Variants in AMACR observed in about 807,000 individuals in gnomAD.
AMACR encodes the protein alpha-methylacyl-CoA racemase.
AMACR carries 18 observed loss-of-function variants against 22.2 expected under a neutral mutation model. The ratio of observed to expected loss-of-function variants is 0.81; its 90% CI spans 0.56 to 1.20. The LOEUF (loss-of-function observed/expected upper bound fraction) is 1.20. Among genes scored for constraint, AMACR ranks in the 50% most tolerant of loss-of-function variants. AMACR has a pLI of 0.00. For missense variants in AMACR, 499 were observed against 490.6 expected (o/e 1.02, Z -0.16); for synonymous variants, 213 against 191.3 (o/e 1.11, Z -0.94).
At position 34,007,810 on chromosome 5, in the gene AMACR, GCA is replaced by G; in HGVS notation, c.208_209del (p.Cys70GlnfsTer71). On this transcript the variant is annotated frameshift_variant, in exon 1 of 5. Coordinates refer to ENST00000335606, the MANE Select transcript of AMACR (RefSeq NM_014324.6). LOFTEE classifies it high-confidence loss of function. ...GCTCCAGCAGCACATCCGACCGCTT[GCA>G]CAGACGCCGCAGCACGGCGGCTCCC... ...PRGAAVLRRL[C>X]KRSDVLLEPF... 6.3e-7 allele frequency: 1 copy of G among 1,575,616 alleles called. No homozygotes were observed. The highest frequency in any genetic ancestry group is 8.6e-7 in the Non-Finnish European group (1 of 1,165,222).
intron 4 of AMACR, among the ~76,000 whole-genome samples, chr5:33,991,405 C>T (rs776721224): frequency 6.6e-6 from 1 of 152,132 alleles, no homozygotes; most frequent in Non-Finnish European, 1.5e-5. Flanking sequence ...GTCTCAGAAT[C>T]CATAATTGTA....
intron 3 of AMACR, 30 bp from the exon 4 acceptor site, chr5:33,998,857 C>T (rs1753723589): frequency 1.2e-6 from 2 of 1,605,402 alleles, no homozygotes; most frequent in Non-Finnish European, 1.7e-6. Context: ...AAGACAAATC[C>T]AGATAACTCA....
At chr5:33,998,315 T>C (rs1322184362) in intron 4 of AMACR, among the ~76,000 whole-genome samples, 2 of 152,218 alleles carry the variant, frequency 1.3e-5, no homozygotes, top group Non-Finnish European at 2.9e-5. Context: ...GCAACCCATG[T>C]GAGATCATTT....
chr5:33,991,746 T>TATTATC (rs989638044), intron 4 of AMACR, among the ~76,000 whole-genome samples: 5 of 150,158 alleles, frequency 3.3e-5, no homozygotes, highest in African/African-American at 1.2e-4. Flanking sequence ...TTATTATTAT[T>TATTATC]ATTATTATTT....
rs535936349 is a variant in AMACR, at chr5:33,992,222, G to T, written c.740-2720C>A. Among the ~76,000 whole-genome samples the T allele has an allele frequency of 2.7e-4, 41 of 152,034 alleles. 2 individuals carry two copies. The highest frequency in any genetic ancestry group is 2.4e-3 in the Admixed American group (37 of 15,274). Reference sequence around the variant, plus strand: ...ATACAAAATTGGAAAAAATGTAAATGAACTTGCATAGGGAATTGGTTATAT... The same window carrying T: ...ATACAAAATTGGAAAAAATGTAAATTAACTTGCATAGGGAATTGGTTATAT... On this transcript the variant is annotated intron_variant, in intron 4 of 4. Transcript: ENST00000335606.
intron 4 of AMACR, chr5:33,997,219 G>A: frequency 1.3e-6 from 1 of 765,674 alleles, no homozygotes. Flanking sequence ...ACCAGCATTA[G>A]CGACTAATTC....
chr5:34,003,158 T>C (rs1753869762), intron 3 of AMACR, among the ~76,000 whole-genome samples: 1 of 152,184 alleles, frequency 6.6e-6, no homozygotes, highest in African/African-American at 2.4e-5. Flanking sequence ...TTGCTTCTCT[T>C]TTCTGCCCAC....
intron 3 of AMACR, among the ~76,000 whole-genome samples, chr5:34,000,902 C>T (rs1308175753): frequency 6.6e-6 from 1 of 152,118 alleles, no homozygotes; most frequent in African/African-American, 2.4e-5. Flanking sequence ...CCCCTTTAAT[C>T]TCTTTTATAT....
chr5:33,995,904 G>C (rs1475338831), intron 4 of AMACR, among the ~76,000 whole-genome samples: 1 of 152,186 alleles, frequency 6.6e-6, no homozygotes, highest in Non-Finnish European at 1.5e-5. Flanking sequence ...GAGCTTTGTG[G>C]TGTTAGAACT....
At chr5:33,999,131 A>G (rs1753733083) in intron 3 of AMACR, among the ~76,000 whole-genome samples, 1 of 152,230 alleles carries the variant, frequency 6.6e-6, no homozygotes, top group Admixed American at 6.5e-5. Flanking sequence ...GTGAGGGTAC[A>G]TGGAAGGTCA....
rs766952450 is a variant in AMACR, at chr5:33,989,377, C to T, written c.865G>A (p.Gly289Ser). The change falls in exon 5 of 5, where the codon GGC becomes AGC. Residue 289 changes from glycine (G) to serine (S), a missense_variant. Gly to Ser is a moderately conservative substitution (Grantham distance 56). Transcript: ENST00000335606. ...TKAEWCQIFD[G>S]TDACVTPVLT... ...ACCGGAGTCACACAGGCATCTGTGC[C>T]GTCAAAGATTTGACACCACTCTGCC... The T allele has an allele frequency of 8.1e-6, 13 of 1,614,206 alleles. No homozygotes were observed. The highest frequency in any genetic ancestry group is 6.7e-5 in the Admixed American group (4 of 60,022).
At chr5:33,991,128 C>T (rs1350719416) in intron 4 of AMACR, among the ~76,000 whole-genome samples, 1 of 152,176 alleles carries the variant, frequency 6.6e-6, no homozygotes, top group Non-Finnish European at 1.5e-5. Context: ...AAAGCTAGAG[C>T]CAATGTGTTC....
At chr5:33,997,547 A>C in intron 4 of AMACR, 1 of 778,518 alleles carries the variant, frequency 1.3e-6, no homozygotes, top group Non-Finnish European at 2.4e-6. Context: ...TCAGAAAATG[A>C]ATATCATTTG....
At chr5:34,000,965 G>A (rs990167800) in intron 3 of AMACR, among the ~76,000 whole-genome samples, 13 of 152,190 alleles carry the variant, frequency 8.5e-5, no homozygotes, top group African/African-American at 2.9e-4. Context: ...CAGAGTTACA[G>A]ATCCAGTTGG....
At position 33,988,669 on chromosome 5, in the gene AMACR, T is replaced by A. The variant is rs1352768235; in HGVS notation, c.*424A>T. The A allele has an allele frequency of 2.4e-6, 3 of 1,232,876 alleles. No homozygotes were observed. In the East Asian group the frequency reaches 1.2e-4, roughly 49 times the overall value. 76.4% of individuals were successfully genotyped at this position (1,232,876 alleles called of 1,614,324 possible). ...AAGGCCTGGATGCAACCAATCACTC[T>A]GTTTCACGTGACTTTTATCACCATA... On this transcript the variant is annotated 3_prime_UTR_variant, in exon 5 of 5. Coordinates refer to ENST00000335606, the MANE Select transcript of AMACR (RefSeq NM_014324.6).
At chr5:33,993,172 C>T (rs1753534837) in intron 4 of AMACR, among the ~76,000 whole-genome samples, 1 of 152,212 alleles carries the variant, frequency 6.6e-6, no homozygotes, top group Non-Finnish European at 1.5e-5. Flanking sequence ...TAGAATCATA[C>T]AGTATTAGCC....
intron 4 of AMACR, among the ~76,000 whole-genome samples, chr5:33,993,609 G>A (rs1185461481): frequency 6.6e-6 from 1 of 152,102 alleles, no homozygotes; most frequent in Non-Finnish European, 1.5e-5. Context: ...AGAAATAATA[G>A]TTTGAAGGCC....
At chr5:33,996,946 A>G (rs1467613036) in intron 4 of AMACR, 1 of 540,864 alleles carries the variant, frequency 1.8e-6, no homozygotes, top group East Asian at 3.0e-5. Flanking sequence ...GGACTGAGGG[A>G]TCCTGAGGAG....
At position 33,988,983 on chromosome 5, in the gene AMACR, T is replaced by A. The variant is rs1753383158; in HGVS notation, c.*110A>T. The A allele has an allele frequency of 1.2e-5, 19 of 1,551,026 alleles. No individual in the cohort carries two copies. The highest frequency in any genetic ancestry group is 1.5e-5 in the Non-Finnish European group (17 of 1,149,078). On this transcript the variant is annotated 3_prime_UTR_variant, in exon 5 of 5. Transcript: ENST00000335606. ...TCTGTAATTCTTTTCTTGATTAGAG[T>A]GGTAGGACACTGTAATACTGTTCCT...
Sources: allele counts gnomAD v4.1 joint callset (sites outside exome capture counted in the v4.1 genomes callset), GRCh38; gene constraint gnomAD v4.1.1; transcripts MANE v1.5; gene names NCBI Gene and HGNC (gene_info 2026-07-23, HGNC 2026-07-21).